FAM53A: variants seen among roughly 807,000 people sequenced by gnomAD.
FAM53A encodes protein FAM53A.
In FAM53A, 28 loss-of-function variants were observed where a neutral mutation model predicts 26.6. The observed-to-expected ratio is 1.05, with a 90% CI of 0.78 to 1.45. The LOEUF (loss-of-function observed/expected upper bound fraction) is 1.45. Ranked by LOEUF, FAM53A falls within the 40% of genes most tolerant of loss-of-function variation. The probability of loss-of-function intolerance (pLI) is 0.00; values close to 1 mark genes in which losing one functional copy is unlikely to be tolerated. For synonymous variants in FAM53A, 290 were observed against 253.1 expected (o/e 1.15, Z -1.38); for missense variants, 650 against 575.8 (o/e 1.13, Z -1.32).
At chr4:1,667,192 G>C (rs1045720749) in intron 2 of FAM53A, among the ~76,000 whole-genome samples, 1 of 151,704 alleles carries the variant, frequency 6.6e-6, no homozygotes, top group Non-Finnish European at 1.5e-5. Flanking sequence ...TTAGCTACTC[G>C]GGAGGCTGAG....
chr4:1,580,664 G>T, the FAM53A span, among the ~76,000 whole-genome samples: 6 of 145,642 alleles, frequency 4.1e-5, no homozygotes, highest in Non-Finnish European at 9.0e-5. Context: ...TCCCGCCCAG[G>T]CCACGCCTCC....
the FAM53A span, among the ~76,000 whole-genome samples, chr4:1,593,522 T>A: frequency 6.6e-6 from 1 of 152,232 alleles, no homozygotes; most frequent in East Asian, 1.9e-4. Flanking sequence ...TTGTATCAGC[T>A]GATAAATGGT....
the FAM53A span, among the ~76,000 whole-genome samples, chr4:1,583,317 T>A: frequency 6.6e-6 from 1 of 152,130 alleles, no homozygotes; most frequent in Admixed American, 6.5e-5. Flanking sequence ...GGGTCCCAGG[T>A]CTGCCCCATG....
intron 1 of FAM53A, among the ~76,000 whole-genome samples, chr4:1,677,894 G>C (rs1349550316): frequency 1.3e-5 from 2 of 152,216 alleles, no homozygotes; most frequent in Admixed American, 6.5e-5. Context: ...GCAATGAGCT[G>C]AGATTGCACC....
intron 1 of FAM53A, among the ~76,000 whole-genome samples, chr4:1,634,108 G>A (rs945997439): frequency 4.6e-5 from 7 of 152,166 alleles, no homozygotes; most frequent in Admixed American, 3.3e-4. Context: ...GCCTGTGAGG[G>A]AACCGGGGCC....
upstream of FAM53A, among the ~76,000 whole-genome samples, chr4:1,685,453 C>T (rs1013307638): frequency 6.6e-6 from 1 of 151,988 alleles, no homozygotes; most frequent in African/African-American, 2.4e-5. Context: ...CAGACAGATG[C>T]ATGGAGGCCG....
chr4:1,585,942 G>T, the FAM53A span, among the ~76,000 whole-genome samples: 1 of 152,064 alleles, frequency 6.6e-6, no homozygotes, highest in Non-Finnish European at 1.5e-5. Context: ...TCACCATGTT[G>T]CTTGGGCTGG....
intron 1 of FAM53A, among the ~76,000 whole-genome samples, chr4:1,671,194 G>A (rs111935977): frequency 1.4e-5 from 2 of 145,854 alleles, no homozygotes; most frequent in Non-Finnish European, 3.0e-5. Flanking sequence ...GCCACAGCCC[G>A]GACTCACCTC....
At chr4:1,639,648 G>A (rs1037170889), downstream of FAM53A, among the ~76,000 whole-genome samples, 5 of 152,146 alleles carry the variant, frequency 3.3e-5, no homozygotes, top group Admixed American at 6.5e-5. Context: ...AAACTCCCCA[G>A]CGCCATCCCC....
the FAM53A span, among the ~76,000 whole-genome samples, chr4:1,604,799 C>A: frequency 1.3e-5 from 2 of 152,126 alleles, no homozygotes; most frequent in Non-Finnish European, 2.9e-5. Context: ...CATCCCCAGC[C>A]TAAAGCAAAG....
upstream of FAM53A, among the ~76,000 whole-genome samples, chr4:1,684,785 G>C (rs1178781247): frequency 6.6e-6 from 1 of 152,186 alleles, no homozygotes; most frequent in Non-Finnish European, 1.5e-5. Context: ...CAGGTCGCTC[G>C]CCCTCTCGGG....
intron 2 of FAM53A, among the ~76,000 whole-genome samples, chr4:1,666,078 C>T (rs1368871175): frequency 1.1e-5 from 1 of 94,656 alleles, no homozygotes; most frequent in African/African-American, 4.2e-5. Context: ...TAAAATAAAA[C>T]CTGCACCTGC....
the FAM53A span, among the ~76,000 whole-genome samples, chr4:1,599,658 G>GCCCAC: frequency 6.8e-6 from 1 of 148,118 alleles, no homozygotes; most frequent in Non-Finnish European, 1.5e-5. This position sits in a 1 kb window ranked among gnomAD's most constrained non-coding sequence, Gnocchi z 6.1. Flanking sequence ...GCCCAGCCCA[G>GCCCAC]CCCACCCCGC....
chr4:1,664,012 G>A (rs888463220), intron 2 of FAM53A, among the ~76,000 whole-genome samples: 10 of 152,134 alleles, frequency 6.6e-5, no homozygotes, highest in African/African-American at 2.4e-4. Context: ...TGGACACTCC[G>A]GGACAAGCAG....
At chr4:1,611,929 A>G in the FAM53A span, among the ~76,000 whole-genome samples, 1 of 152,226 alleles carries the variant, frequency 6.6e-6, no homozygotes, top group Non-Finnish European at 1.5e-5. Flanking sequence ...TATAGGAGCC[A>G]TTGACCGGCG....
downstream of FAM53A, among the ~76,000 whole-genome samples, chr4:1,635,152 T>C (rs1715785047): frequency 6.6e-6 from 1 of 152,230 alleles, no homozygotes; most frequent in African/African-American, 2.4e-5. Flanking sequence ...GTAGTATTTA[T>C]TTGCTCATTC....
chr4:1,671,559 C>T (rs1714661131), intron 1 of FAM53A, among the ~76,000 whole-genome samples: 1 of 107,142 alleles, frequency 9.3e-6, no homozygotes, highest in African/African-American at 3.5e-5. Flanking sequence ...CAGCTCACAG[C>T]CACAGCCACA....
At chr4:1,626,464 ACT>A (rs971908901) in intron 1 of FAM53A, among the ~76,000 whole-genome samples, 1 of 151,948 alleles carries the variant, frequency 6.6e-6, no homozygotes, top group Non-Finnish European at 1.5e-5. Flanking sequence ...CCCAGTGTAG[ACT>A]CTCAGCCACG....
At chr4:1,582,225 C>T in the FAM53A span, among the ~76,000 whole-genome samples, 1 of 152,250 alleles carries the variant, frequency 6.6e-6, no homozygotes, top group Non-Finnish European at 1.5e-5. Context: ...AGAAGGGTCC[C>T]TGCCGTGGGG....
Sources: gnomAD v4.1 joint callset for allele counts (sites outside exome capture counted in the v4.1 genomes callset) on GRCh38, gnomAD v4.1.1 for gene constraint, Gnocchi (gnomAD v3.1) non-coding constraint, MANE v1.5 for transcripts, NCBI Gene and HGNC (gene_info 2026-07-23, HGNC 2026-07-21) for gene names.